PITPNA: variants seen among roughly 807,000 people sequenced by gnomAD.
PITPNA encodes phosphatidylinositol transfer protein alpha.
PITPNA carries 13 observed loss-of-function variants against 50.3 expected under a neutral mutation model. That is an observed-to-expected ratio of 0.26 (90% CI 0.17 to 0.41). The LOEUF is 0.41. Ranked by LOEUF, PITPNA falls within the 10% of genes least tolerant of loss-of-function variation. The pLI is 1.00. For missense variants in PITPNA, 207 were observed against 333.4 expected, an observed-to-expected ratio of 0.62 and a Z score of 2.95; for synonymous variants, 120 against 119.6, an observed-to-expected ratio of 1.00 and a Z score of -0.02.
intron 9 of PITPNA, 42 bp downstream of exon 9, chr17:1,535,140 C>T (rs1179618840): frequency 8.1e-7 from 1 of 1,242,034 alleles, no homozygotes; most frequent in East Asian, 2.3e-5. Context: ...CCCCACAACA[C>T]ACACACGCAG....
intron 4 of PITPNA, among the ~76,000 whole-genome samples, chr17:1,544,807 G>A (rs981824043): frequency 1.3e-5 from 2 of 152,112 alleles, no homozygotes; most frequent in African/African-American, 4.8e-5. Flanking sequence ...GTGTGGTGGC[G>A]CATGCCTGTA....
At chr17:1,529,781 G>C (rs898820464) in intron 10 of PITPNA, among the ~76,000 whole-genome samples, 11 of 151,636 alleles carry the variant, frequency 7.3e-5, no homozygotes, top group African/African-American at 2.7e-4. Context: ...CTTGAATTGG[G>C]GAGTTGGAGG....
intron 3 of PITPNA, among the ~76,000 whole-genome samples, chr17:1,550,813 C>G (rs187428968): frequency 6.7e-4 from 102 of 152,342 alleles, no homozygotes; most frequent in African/African-American, 2.4e-3. Context: ...AAGCCGTCAG[C>G]AGTTTTGGCG....
intron 10 of PITPNA, among the ~76,000 whole-genome samples, chr17:1,528,139 C>T (rs2151003377): frequency 6.6e-6 from 1 of 152,332 alleles, no homozygotes; most frequent in Non-Finnish European, 1.5e-5. Context: ...TGCCATACTC[C>T]AGCCTAGGCA....
intron 2 of PITPNA, among the ~76,000 whole-genome samples, chr17:1,555,051 C>A (rs1209873262): frequency 1.3e-5 from 2 of 152,154 alleles, no homozygotes; most frequent in Non-Finnish European, 2.9e-5. Flanking sequence ...GCAGTAACTC[C>A]GTTTCAGAGA....
intron 6 of PITPNA, among the ~76,000 whole-genome samples, chr17:1,539,860 CCGAG>C (rs963827303): frequency 3.9e-5 from 6 of 152,240 alleles, no homozygotes; most frequent in Admixed American, 3.3e-4. Context: ...CCTCAGCTTC[CCGAG>C]TATCTGGGAT....
intron 2 of PITPNA, among the ~76,000 whole-genome samples, chr17:1,556,230 G>C (rs538460547): frequency 2.0e-5 from 3 of 152,180 alleles, no homozygotes; most frequent in African/African-American, 7.2e-5. Context: ...CAGGCCACGT[G>C]GTACTTTCTT....
At chr17:1,555,002 G>A (rs1364226559) in intron 2 of PITPNA, among the ~76,000 whole-genome samples, 1 of 152,188 alleles carries the variant, frequency 6.6e-6, no homozygotes, top group Non-Finnish European at 1.5e-5. Context: ...CCCGTCAGGT[G>A]GGTCAGGGCT....
chr17:1,552,913 T>C, intron 3 of PITPNA, 91 bp downstream of exon 3: 1 of 1,286,816 alleles, frequency 7.8e-7, no homozygotes, highest in Non-Finnish European at 1.1e-6. Context: ...ACAATTAGTA[T>C]AATCCCATCT....
chr17:1,562,441 C>A lies in PITPNA; in HGVS notation c.20+100G>T. ...CAGGCACCCTCCGTCCCTGCTGCCC[C>A]TCCGTCCATCCGGGCCCTGCGTCCC... On this transcript the variant is annotated intron_variant, in intron 1 of 11. Coordinates refer to ENST00000313486, the MANE Select transcript of PITPNA (RefSeq NM_006224.4). This position sits in a 1 kb window ranked among gnomAD's most constrained non-coding sequence, Gnocchi z 6.4. 1 of 1,011,784 alleles carries A rather than the reference C, an allele frequency of 9.9e-7. No homozygotes were observed. The allele number at this position is 1,011,784 out of a possible 1,614,324, so 62.7% of individuals were successfully genotyped here. A position where few individuals can be genotyped will look rare whatever the true frequency, so the allele number is the denominator to read the frequency against.
At chr17:1,555,964 T>A (rs1050597007) in intron 2 of PITPNA, among the ~76,000 whole-genome samples, 1 of 152,208 alleles carries the variant, frequency 6.6e-6, no homozygotes, top group African/African-American at 2.4e-5. Context: ...TACAAAGGCA[T>A]GACCTTCTCT....
At chr17:1,549,198 G>T (rs533787266) in intron 3 of PITPNA, among the ~76,000 whole-genome samples, 1 of 150,422 alleles carries the variant, frequency 6.6e-6, no homozygotes, top group Admixed American at 6.6e-5. Flanking sequence ...GAGCCACCGC[G>T]CCCGGTCTCT....
intron 10 of PITPNA, among the ~76,000 whole-genome samples, chr17:1,522,946 G>A (rs1360200311): frequency 6.6e-6 from 1 of 152,234 alleles, no homozygotes; most frequent in Non-Finnish European, 1.5e-5. Context: ...CTCTCCGGGA[G>A]AGGAGTTCCC....
At chr17:1,539,329 G>C (rs2075635815) in intron 6 of PITPNA, among the ~76,000 whole-genome samples, 1 of 151,824 alleles carries the variant, frequency 6.6e-6, no homozygotes, top group South Asian at 2.1e-4. Context: ...TGATCCTCCT[G>C]TCTCAGTCTC....
At chr17:1,555,027 G>A (rs886730817) in intron 2 of PITPNA, among the ~76,000 whole-genome samples, 2 of 152,170 alleles carry the variant, frequency 1.3e-5, no homozygotes, top group Admixed American at 6.5e-5. Context: ...TGAGCCAGGG[G>A]TGCCTAAGAA....
rs1394838826 is a variant in PITPNA, at chr17:1,519,435, C to T, written c.*1126G>A. 1.3e-5 allele frequency: 2 copies of T among 152,600 alleles called. No homozygotes were observed. The highest frequency in any genetic ancestry group is 2.9e-5 in the Non-Finnish European group (2 of 68,056). The allele number at this position is 152,600 out of a possible 1,614,324, so 9.5% of individuals were successfully genotyped here. ...TTGGTCGGGTTCTGTACTATGATCA[C>T]TACTTGCTTTGGGTTTTCCAGGGCA... On this transcript the variant is annotated 3_prime_UTR_variant, in exon 12 of 12. Coordinates refer to ENST00000313486, the MANE Select transcript of PITPNA (RefSeq NM_006224.4).
intron 10 of PITPNA, among the ~76,000 whole-genome samples, chr17:1,522,293 G>A (rs1175004638): frequency 6.6e-6 from 1 of 151,050 alleles, no homozygotes; most frequent in East Asian, 2.0e-4. Context: ...GGATGGTCTC[G>A]ATCTCCTGAC....
intron 10 of PITPNA, among the ~76,000 whole-genome samples, chr17:1,532,581 C>A (rs142043098): frequency 2.6e-5 from 4 of 152,316 alleles, no homozygotes; most frequent in African/African-American, 7.2e-5. Context: ...ATACGTCATG[C>A]TGGCCTTTGT....
chr17:1,537,331 G>A (rs926546609), intron 7 of PITPNA, among the ~76,000 whole-genome samples: 2 of 152,068 alleles, frequency 1.3e-5, no homozygotes, highest in African/African-American at 2.4e-5. Flanking sequence ...CCAAAGTGCC[G>A]GGATTACAGG....
Sources: allele counts gnomAD v4.1 joint callset (sites outside exome capture counted in the v4.1 genomes callset), GRCh38; gene constraint gnomAD v4.1.1; non-coding constraint Gnocchi (gnomAD v3.1); transcripts MANE v1.5; gene names NCBI Gene and HGNC (gene_info 2026-07-23, HGNC 2026-07-21).